Variants in LIMK2 observed in about 807,000 individuals in gnomAD.
The protein encoded by LIMK2 is LIM domain kinase 2.
In LIMK2, 35 loss-of-function variants were observed where a neutral mutation model predicts 75.7. The observed-to-expected ratio is 0.46, with a 90% CI of 0.35 to 0.61. The LOEUF (loss-of-function observed/expected upper bound fraction) is 0.61. Among genes scored for constraint, LIMK2 ranks in the 20% least tolerant of loss-of-function variants. The pLI is 0.00. For synonymous variants in LIMK2, 301 were observed against 319.2 expected (o/e 0.94, Z 0.61); for missense variants, 623 against 831.0 (o/e 0.75, Z 3.08).
chr22:31,231,906 T>TCC (rs1208698087), intron 2 of LIMK2, among the ~76,000 whole-genome samples: 1 of 152,112 alleles, frequency 6.6e-6, no homozygotes, highest in Non-Finnish European at 1.5e-5. Flanking sequence ...AGTGTCAACC[T>TCC]CCTGAGCTCA....
chr22:31,239,857 C>T (rs1056702607), intron 2 of LIMK2, among the ~76,000 whole-genome samples: 1 of 151,916 alleles, frequency 6.6e-6, no homozygotes, highest in African/African-American at 2.4e-5. Flanking sequence ...AAAGTCCATC[C>T]AGTATGCACC....
At chr22:31,244,431 G>A (rs1315402437) in intron 2 of LIMK2, among the ~76,000 whole-genome samples, 1 of 152,130 alleles carries the variant, frequency 6.6e-6, no homozygotes, top group Admixed American at 6.5e-5. Context: ...CTGTGTGGCT[G>A]GGAGAAAGAT....
chr22:31,246,171 A>ACG (rs1213315083), intron 2 of LIMK2, among the ~76,000 whole-genome samples: 17 of 132,662 alleles, frequency 1.3e-4, no homozygotes, highest in East Asian at 5.4e-4. Context: ...AGACTCCGAC[A>ACG]CACGCACGCA....
intron 9 of LIMK2, 60 bp from the exon 10 acceptor site, chr22:31,267,716 G>C: frequency 6.5e-7 from 1 of 1,529,552 alleles, no homozygotes; most frequent in Non-Finnish European, 8.8e-7. Flanking sequence ...TTGGAGGGAA[G>C]AGGTAAGGAA....
chr22:31,231,390 T>C (rs1180006933), intron 2 of LIMK2, among the ~76,000 whole-genome samples: 1 of 152,256 alleles, frequency 6.6e-6, no homozygotes, highest in Non-Finnish European at 1.5e-5. Flanking sequence ...CTTACTAACC[T>C]AAACCTTTGA....
rs764290466 is a variant in LIMK2 at position 31,278,358 on chromosome 22, G to C, written c.1834G>C (p.Gly612Arg). 2 of 1,613,900 alleles carry C rather than the reference G, an allele frequency of 1.2e-6. No homozygotes were observed. Among genetic ancestry groups the C allele is most frequent in the Non-Finnish European group, 1.7e-6 (2 of 1,179,898 alleles). ...EALSLYLGEL[G>R]IPLPAELEEL... The stretch of plus-strand genomic sequence containing the variant: ...CCTCTCCCTGTACCTGGGGGAGCTG[G>C]GCATCCCGCTGCCTGCAGAGCTGGA... The change falls in exon 16 of 16, where the codon GGC (glycine) becomes CGC (arginine). Residue 612 changes from glycine (G) to arginine (R), a missense_variant. Physicochemically the swap from Gly to Arg is moderately radical, Grantham distance 125 (BLOSUM62 -2). Around this residue, in one of 3 missense-constraint regions of LIMK2, gnomAD observed 46 missense variants for 46.9 expected, o/e 0.98. Coordinates refer to ENST00000331728, the MANE Select transcript of LIMK2 (RefSeq NM_005569.4).
In LIMK2 at chr22:31,266,413, C is replaced by T. The variant is rs539408214; in HGVS notation, c.1041+281C>T. ...TCAGTGGGTGTTTGTTAGGTGCCTG[C>T]AGACCTCAGTACCGGGCATGCTACA... On this transcript the variant is annotated intron_variant, in intron 8 of 15. Coordinates refer to ENST00000331728, the MANE Select transcript of LIMK2 (RefSeq NM_005569.4). Among the ~76,000 whole-genome samples, 5 of 152,244 alleles carry T rather than the reference C, an allele frequency of 3.3e-5. No individual in the cohort carries two copies. The East Asian group carries it at 7.7e-4, about 24-fold the overall frequency.
chr22:31,218,749 G>A (rs2048408478), intron 1 of LIMK2, among the ~76,000 whole-genome samples: 1 of 152,128 alleles, frequency 6.6e-6, no homozygotes, highest in African/African-American at 2.4e-5. Flanking sequence ...GAACAAGTGG[G>A]ATTTATACAC....
chr22:31,261,377 C>A lies in LIMK2; in HGVS notation c.552-757C>A, dbSNP rs528230414. ...CCTGGCTAACACAATGAAACCCCGTCTCTACTAAAAGTACAAAAATTAGCC... is the reference window on the plus strand; with the variant it reads ...CCTGGCTAACACAATGAAACCCCGTATCTACTAAAAGTACAAAAATTAGCC... On this transcript the variant is annotated intron_variant, in intron 5 of 15. Transcript: ENST00000331728. 2.6e-4 allele frequency among the ~76,000 whole-genome samples: 40 copies of A among 152,232 alleles called. No homozygotes were observed. In the South Asian group the frequency reaches 6.6e-3, roughly 25 times the overall value.
At position 31,266,013 on chromosome 22, in the gene LIMK2, G is replaced by A. The variant is rs1240836662; in HGVS notation, c.922G>A (p.Asp308Asn). 1.2e-6 allele frequency: 2 copies of A among 1,614,190 alleles called. No homozygotes were observed. The highest frequency in any genetic ancestry group is 1.1e-5 in the South Asian group (1 of 91,084). The part of the protein sequence containing the change: ...SPKEPLLFSR[D>N]ISRSESLRCS... ...AAAGGAGCCCCTGCTGTTCAGCCGT[G>A]ACATCAGCCGCTCAGAATCCCTTCG... The change falls in exon 8 of 16, where the codon GAC becomes AAC. Residue 308 changes from aspartate to asparagine, a missense_variant. Asp to Asn is a conservative substitution (Grantham distance 23). This residue lies in a region of LIMK2 where 514 missense variants were observed against 661.3 expected (regional missense o/e 0.78). Coordinates refer to ENST00000331728, the MANE Select transcript of LIMK2 (RefSeq NM_005569.4).
At position 31,243,559 on chromosome 22, in the gene LIMK2, C is replaced by T. The variant is rs7291716; in HGVS notation, c.117-14732C>T. Among the ~76,000 whole-genome samples, 848 of 152,328 alleles carry T rather than the reference C, an allele frequency of 5.6e-3. 10 individuals are homozygous for T. The highest frequency in any genetic ancestry group is 0.019 in the African/African-American group (802 of 41,572). On this transcript the variant is annotated intron_variant, in intron 2 of 15. Coordinates refer to ENST00000331728, the MANE Select transcript of LIMK2 (RefSeq NM_005569.4). Reference sequence around the variant, plus strand: ...CTATTGTTCTCCAGCCTGTCACAGACGCTTTGAAGACCTGTGCCTCAGCTG... The same window carrying T: ...CTATTGTTCTCCAGCCTGTCACAGATGCTTTGAAGACCTGTGCCTCAGCTG...
chr22:31,248,136 C>T (rs566118969), intron 2 of LIMK2, among the ~76,000 whole-genome samples: 11 of 152,140 alleles, frequency 7.2e-5, no homozygotes, highest in South Asian at 6.2e-4. Flanking sequence ...TATGTTCACA[C>T]TCTATCCTGC....
At chr22:31,276,636 G>A (rs1045332141) in intron 15 of LIMK2, among the ~76,000 whole-genome samples, 1 of 146,402 alleles carries the variant, frequency 6.8e-6, no homozygotes, top group Non-Finnish European at 1.5e-5. Context: ...GGGCGTCACG[G>A]AGGCGGCGGC....
intron 2 of LIMK2, among the ~76,000 whole-genome samples, chr22:31,256,401 C>T (rs1053802711): frequency 6.7e-6 from 1 of 149,530 alleles, no homozygotes; most frequent in Non-Finnish European, 1.5e-5. Context: ...AGTGCAGTGG[C>T]GTGATCTCGA....
At chr22:31,272,228 T>C (rs779581773) in intron 12 of LIMK2, among the ~76,000 whole-genome samples, 146 of 88,672 alleles carry the variant, frequency 1.6e-3, no homozygotes, top group Non-Finnish European at 1.8e-3. Flanking sequence ...GCCCAGCTAA[T>C]TTTTTTTTTT....
chr22:31,229,216 G>A (rs1466956023), intron 2 of LIMK2, among the ~76,000 whole-genome samples: 1 of 152,216 alleles, frequency 6.6e-6, no homozygotes, highest in Non-Finnish European at 1.5e-5. Flanking sequence ...CTCTAATCCA[G>A]CTGTGCTGAA....
At chr22:31,226,267 A>G (rs932397442) in intron 2 of LIMK2, among the ~76,000 whole-genome samples, 4 of 151,626 alleles carry the variant, frequency 2.6e-5, no homozygotes, top group South Asian at 2.1e-4. Context: ...CAGTGGTGCA[A>G]TCTCGGCTCA....
chr22:31,262,040 G>T lies in LIMK2; in HGVS notation c.552-94G>T, dbSNP rs1477009540. The T allele has an allele frequency of 2.1e-6, 2 of 973,558 alleles. No individual in the cohort carries two copies. The highest frequency in any genetic ancestry group is 2.4e-5 in the East Asian group (1 of 41,622). 60.3% of individuals were successfully genotyped at this position (973,558 alleles called of 1,614,324 possible). Reference sequence around the variant, plus strand: ...CTGGGCCCCTTAGGGGCCACTGGTGGCCTGGGACCTGGTAAACCTTCCCTG... The same window carrying T: ...CTGGGCCCCTTAGGGGCCACTGGTGTCCTGGGACCTGGTAAACCTTCCCTG... On this transcript the variant is annotated intron_variant, in intron 5 of 15. Coordinates refer to ENST00000331728, the MANE Select transcript of LIMK2 (RefSeq NM_005569.4). The surrounding 1 kb of genome is among the most constrained non-coding windows in gnomAD (Gnocchi z 5.0).
At chr22:31,261,545 C>CAAAGAAAAAAAAAAAA (rs2048839306) in intron 5 of LIMK2, among the ~76,000 whole-genome samples, 1 of 126,370 alleles carries the variant, frequency 7.9e-6, no homozygotes. Flanking sequence ...GACTCCATCT[C>CAAAGAAAAAAAAAAAA]AAAAAAAAAA....
Sources: gnomAD v4.1 joint callset for allele counts (sites outside exome capture counted in the v4.1 genomes callset) on GRCh38, gnomAD v4.1.1 for gene constraint, gnomAD v4.1.1 regional missense constraint, Gnocchi (gnomAD v3.1) non-coding constraint, MANE v1.5 for transcripts, NCBI Gene and HGNC (gene_info 2026-07-23, HGNC 2026-07-21) for gene names.